The following PLXNA4 variants were observed in gnomAD, a reference collection of about 807,000 sequenced individuals.
PLXNA4 encodes plexin A4.
PLXNA4 carries 44 observed loss-of-function variants against 191.8 expected under a neutral mutation model. That is an observed-to-expected ratio of 0.23 (90% CI 0.18 to 0.29). The LOEUF (loss-of-function observed/expected upper bound fraction) is 0.29. Among genes scored for constraint, PLXNA4 ranks in the 10% least tolerant of loss-of-function variants. The pLI, the probability that PLXNA4 is intolerant of heterozygous loss-of-function variation, is 1.00. For missense variants in PLXNA4, 1,800 were observed against 2,488.8 expected (o/e 0.72, Z 5.89); for synonymous variants, 1,082 against 1,009.5 (o/e 1.07, Z -1.36).
intron 4 of PLXNA4, among the ~76,000 whole-genome samples, chr7:132,245,934 G>A (rs1020415764): frequency 6.6e-6 from 1 of 152,148 alleles, no homozygotes; most frequent in African/African-American, 2.4e-5. Context: ...GACTAGGGAA[G>A]GGAGGAATAA....
intron 5 of PLXNA4, among the ~76,000 whole-genome samples, chr7:132,233,311 T>C (rs1259263398): frequency 6.6e-6 from 1 of 152,188 alleles, no homozygotes; most frequent in East Asian, 1.9e-4. Context: ...ATGTGTGGCT[T>C]GGAGGAAGTG....
chr7:132,164,763 C>T (rs745752463), intron 23 of PLXNA4, among the ~76,000 whole-genome samples: 25 of 152,338 alleles, frequency 1.6e-4, no homozygotes, highest in Non-Finnish European at 2.8e-4. Context: ...CTGCACCGGC[C>T]GGGGGGCCTT....
At chr7:132,633,004 A>G (rs1803523108) in intron 2 of PLXNA4, among the ~76,000 whole-genome samples, 1 of 152,152 alleles carries the variant, frequency 6.6e-6, no homozygotes, top group Non-Finnish European at 1.5e-5. Context: ...AACCCTGGGA[A>G]CATCACAAGG....
At chr7:132,466,975 A>G (rs529101582) in intron 3 of PLXNA4, among the ~76,000 whole-genome samples, 20 of 152,054 alleles carry the variant, frequency 1.3e-4, no homozygotes, top group Non-Finnish European at 2.6e-4. Flanking sequence ...AGAAGCTCCC[A>G]TGGCTGCTAT....
Position 132,508,430 on chromosome 7 carries a change from CG to C in PLXNA4, c.263del (p.Pro88ArgfsTer21), listed in dbSNP as rs981403086. On this transcript the variant is annotated frameshift_variant, in exon 2 of 32. Transcript: ENST00000321063. LOFTEE classifies it high-confidence loss of function. This position sits in a 1 kb window ranked among gnomAD's most constrained non-coding sequence, Gnocchi z 4.4. ...LKVLVTHETG[P>X]DEDNPKCYPP... is the part of the protein sequence containing the mutation. ...GGTAACACTTGGGGTTGTCCTCGTC[CG>C]GCCCTGTCTCATGCGTCACCAAGAC... 1 of 1,614,030 alleles carries C rather than the reference CG, an allele frequency of 6.2e-7. No individual in the cohort carries two copies. Among genetic ancestry groups the C allele is most frequent in the African/African-American group, 1.3e-5 (1 of 74,902 alleles).
In PLXNA4 at chr7:132,508,895, G is replaced by T; in HGVS notation, c.-86-116C>A. 3 of 1,085,214 alleles carry T rather than the reference G, an allele frequency of 2.8e-6. No individual in the cohort carries two copies. Among genetic ancestry groups the T allele is most frequent in the Non-Finnish European group, 3.7e-6 (3 of 802,908 alleles). The allele number at this position is 1,085,214 out of a possible 1,614,324, so 67.2% of individuals were successfully genotyped here. A position where few individuals can be genotyped will look rare whatever the true frequency, so the allele number is the denominator to read the frequency against. On this transcript the variant is annotated intron_variant, in intron 1 of 31. Coordinates refer to ENST00000321063, the MANE Select transcript of PLXNA4 (RefSeq NM_020911.2). The surrounding 1 kb of genome is among the most constrained non-coding windows in gnomAD (Gnocchi z 4.4). ...GCACACACTGAGCAGAACTGCACTG[G>T]GGGGTGCTGGAGGCTGACTGAGTCA...
intron 3 of PLXNA4, among the ~76,000 whole-genome samples, chr7:132,345,159 A>T (rs1803195347): frequency 6.6e-6 from 1 of 152,220 alleles, no homozygotes; most frequent in African/African-American, 2.4e-5. Context: ...AATAAAATAC[A>T]GGCAAAAATT....
At chr7:132,487,474 A>G (rs75672929) in intron 3 of PLXNA4, among the ~76,000 whole-genome samples, 2 of 152,234 alleles carry the variant, frequency 1.3e-5, no homozygotes. Context: ...TTTAGAATTC[A>G]CTTTTCCAGC....
At chr7:132,613,344 T>C (rs1409588422) in intron 2 of PLXNA4, among the ~76,000 whole-genome samples, 1 of 152,178 alleles carries the variant, frequency 6.6e-6, no homozygotes, top group Non-Finnish European at 1.5e-5. Flanking sequence ...TGAATCTGAA[T>C]AAAGCCACCC....
At chr7:132,454,596 C>T (rs949306009) in intron 3 of PLXNA4, among the ~76,000 whole-genome samples, 2 of 152,042 alleles carry the variant, frequency 1.3e-5, no homozygotes, top group Non-Finnish European at 2.9e-5. Flanking sequence ...GAAGTCCCAA[C>T]CCCCAGTACC....
At chr7:132,209,302 G>C (rs923665750) in intron 10 of PLXNA4, among the ~76,000 whole-genome samples, 3 of 152,188 alleles carry the variant, frequency 2.0e-5, no homozygotes, top group Non-Finnish European at 4.4e-5. Flanking sequence ...AAGAAACAAG[G>C]CTGTTTTCCC....
intron 3 of PLXNA4, among the ~76,000 whole-genome samples, chr7:132,345,337 T>G (rs551038560): frequency 6.6e-6 from 1 of 152,328 alleles, no homozygotes; most frequent in South Asian, 2.1e-4. Flanking sequence ...TGAACAATGG[T>G]GAACTATAAT....
intron 3 of PLXNA4, among the ~76,000 whole-genome samples, chr7:132,305,361 AACACACACACACACACAC>A (rs57158164): frequency 0.014 from 1,778 of 131,172 alleles, 39 homozygotes; most frequent in African/African-American, 0.048. Context: ...GCTTACCAAG[AACACACACACACACACAC>A]ACACACACAC....
At chr7:132,599,969 G>A (rs1389708948) in intron 2 of PLXNA4, among the ~76,000 whole-genome samples, 1 of 152,054 alleles carries the variant, frequency 6.6e-6, no homozygotes, top group African/African-American at 2.4e-5. Context: ...CTATTAATAC[G>A]ATAAGTTATG....
chr7:132,579,457 G>A (rs966848232), upstream of PLXNA4, among the ~76,000 whole-genome samples: 14 of 150,664 alleles, frequency 9.3e-5, no homozygotes, highest in African/African-American at 1.5e-4. Flanking sequence ...GTGTGTGTGC[G>A]TGTGTGTGTG....
intron 2 of PLXNA4, among the ~76,000 whole-genome samples, chr7:132,629,976 A>G (rs1563198980): frequency 6.6e-6 from 1 of 151,984 alleles, no homozygotes; most frequent in Non-Finnish European, 1.5e-5. Flanking sequence ...CAGCCTCCCG[A>G]GTAGCTGGGA....
chr7:132,327,428 A>G lies in PLXNA4; in HGVS notation c.1372-29206T>C, dbSNP rs564462024. Among the ~76,000 whole-genome samples the G allele has an allele frequency of 2.6e-3, 389 of 152,334 alleles. 1 individual carries two copies. The highest frequency in any genetic ancestry group is 6.2e-3 in the South Asian group (30 of 4,824). On this transcript the variant is annotated intron_variant, in intron 3 of 31. Transcript: ENST00000321063. ...GGTTCAGGGAAGGTCATAATTGCTT[A>G]TTATAAAATCATATAACATATGGAG...
At chr7:132,292,240 C>T (rs928987081) in intron 4 of PLXNA4, among the ~76,000 whole-genome samples, 1 of 152,188 alleles carries the variant, frequency 6.6e-6, no homozygotes, top group East Asian at 1.9e-4. Context: ...CTCTTTCCTG[C>T]ACTCTGTGTC....
chr7:132,316,789 G>A (rs1801960984), intron 3 of PLXNA4, among the ~76,000 whole-genome samples: 1 of 152,164 alleles, frequency 6.6e-6, no homozygotes, highest in Admixed American at 6.5e-5. Context: ...TTAAATAAGG[G>A]ACTGGGGTCT....
Sources: gnomAD v4.1 joint callset for allele counts (sites outside exome capture counted in the v4.1 genomes callset) on GRCh38, gnomAD v4.1.1 for gene constraint, Gnocchi (gnomAD v3.1) non-coding constraint, MANE v1.5 for transcripts, NCBI Gene and HGNC (gene_info 2026-07-23, HGNC 2026-07-21) for gene names.